HPSE2: variants seen among roughly 807,000 people sequenced by gnomAD.
The protein encoded by HPSE2 is heparanase 2 (inactive).
HPSE2 carries 38 observed loss-of-function variants against 60.5 expected under a neutral mutation model. The ratio of observed to expected loss-of-function variants is 0.63; its 90% CI spans 0.48 to 0.82. The LOEUF is 0.82. Ranked by LOEUF, HPSE2 falls within the 40% of genes least tolerant of loss-of-function variation. HPSE2 has a pLI of 0.00. For synonymous variants in HPSE2, 295 were observed against 293.2 expected (o/e 1.01, Z -0.06); for missense variants, 713 against 740.4 (o/e 0.96, Z 0.43).
At position 98,937,783 on chromosome 10, in the gene HPSE2, C is replaced by T. The variant is rs1352254374; in HGVS notation, c.611-193727G>A. Among the ~76,000 whole-genome samples, 2 of 142,320 alleles carry T rather than the reference C, an allele frequency of 1.4e-5. 1 individual carries two copies. The highest frequency in any genetic ancestry group is 5.8e-5 in the African/African-American group (2 of 34,476). 93.4% of individuals were successfully genotyped at this position (142,320 alleles called of 152,430 possible). ...AGATCTGAGAACGGGCAGACTGCCT[C>T]CTCAAGTGGGTCCCTGACCCCTGAC... On this transcript the variant is annotated intron_variant, in intron 3 of 11. Coordinates refer to ENST00000370552, the MANE Select transcript of HPSE2 (RefSeq NM_021828.5).
the HPSE2 span, among the ~76,000 whole-genome samples, chr10:99,275,676 G>T: frequency 6.6e-6 from 1 of 152,134 alleles, no homozygotes; most frequent in Non-Finnish European, 1.5e-5. Flanking sequence ...GATATGTGAA[G>T]CCCATGCTCT....
chr10:98,954,776 A>T (rs939726520), intron 3 of HPSE2, among the ~76,000 whole-genome samples: 1 of 151,422 alleles, frequency 6.6e-6, no homozygotes, highest in Non-Finnish European at 1.5e-5. Context: ...TACAATATAA[A>T]CTCCGCATTT....
chr10:98,982,751 T>C (rs1291009795), intron 3 of HPSE2, among the ~76,000 whole-genome samples: 1 of 152,166 alleles, frequency 6.6e-6, no homozygotes, highest in East Asian at 1.9e-4. Context: ...ACTGTACTAA[T>C]CTATTTCATT....
intron 3 of HPSE2, among the ~76,000 whole-genome samples, chr10:98,749,047 T>C (rs1051706855): frequency 7.2e-5 from 11 of 152,044 alleles, no homozygotes; most frequent in Non-Finnish European, 1.3e-4. Flanking sequence ...AAAATAGTAA[T>C]GAGAGAAGAA....
intron 3 of HPSE2, among the ~76,000 whole-genome samples, chr10:98,977,785 TATA>T (rs1467639658): frequency 3.3e-5 from 5 of 151,946 alleles, no homozygotes; most frequent in Admixed American, 2.0e-4. Context: ...ACAGGTTTTT[TATA>T]ATAATAATAT....
chr10:99,166,511 G>A (rs80333773), intron 2 of HPSE2, among the ~76,000 whole-genome samples: 7 of 152,150 alleles, frequency 4.6e-5, no homozygotes, highest in Admixed American at 2.6e-4. Flanking sequence ...TACAGTTATA[G>A]GGGTATCTCA....
Position 98,489,900 on chromosome 10 carries a change from AT to A in HPSE2, c.1466+150del, listed in dbSNP as rs1941579882. 12 of 810,786 alleles carry A rather than the reference AT, an allele frequency of 1.5e-5. 1 individual carries two copies. The South Asian group carries it at 1.8e-4, about 12-fold the overall frequency. 50.2% of individuals were successfully genotyped at this position (810,786 alleles called of 1,614,324 possible). ...GAGTAAAAGCTATTTACCAGAAATT[AT>A]TTGAAACCTCCAAAGAGCAGGTATG... On this transcript the variant is annotated intron_variant, in intron 10 of 11. Transcript: ENST00000370552.
At chr10:98,696,655 C>A (rs1036825190) in intron 5 of HPSE2, among the ~76,000 whole-genome samples, 1 of 152,234 alleles carries the variant, frequency 6.6e-6, no homozygotes, top group African/African-American at 2.4e-5. Context: ...TCTGCTTAAG[C>A]CTGCTGACCT....
At chr10:98,922,337 A>C (rs1368931943) in intron 3 of HPSE2, among the ~76,000 whole-genome samples, 1 of 152,152 alleles carries the variant, frequency 6.6e-6, no homozygotes, top group Non-Finnish European at 1.5e-5. Flanking sequence ...GTTCTATAAA[A>C]GACCAAGACA....
At chr10:98,711,354 A>AGCTGACTG in intron 5 of HPSE2, among the ~76,000 whole-genome samples, 2 of 152,334 alleles carry the variant, frequency 1.3e-5, no homozygotes, top group Middle Eastern at 6.8e-3. Context: ...AAGCCCTGCT[A>AGCTGACTG]TAAACCTGAC....
intron 9 of HPSE2, among the ~76,000 whole-genome samples, chr10:98,587,527 C>T (rs2133935306): frequency 6.6e-6 from 1 of 152,246 alleles, no homozygotes; most frequent in African/African-American, 2.4e-5. Context: ...TCCACATGTC[C>T]CTAGCATGCC....
rs368001757 is a variant in HPSE2 at position 99,096,316 on chromosome 10, A to C, written c.610+47922T>G. ...TAGCATTCTCCTAGATTTTGTAAAC[A>C]ATGAAAATAACAGTATTACTTAAAT... On this transcript the variant is annotated intron_variant, in intron 3 of 11. Transcript: ENST00000370552. 9.8e-5 allele frequency among the ~76,000 whole-genome samples: 15 copies of C among 152,374 alleles called. No homozygotes were observed. In the East Asian group the frequency reaches 2.7e-3, roughly 27 times the overall value.
Position 98,457,856 on chromosome 10 carries a change from T to A in HPSE2, c.*1718A>T, listed in dbSNP as rs963611714. 1.3e-5 allele frequency: 2 copies of A among 152,586 alleles called. No homozygotes were observed. The highest frequency in any genetic ancestry group is 1.3e-4 in the Admixed American group (2 of 15,284). The allele number at this position is 152,586 out of a possible 1,614,324, so 9.5% of individuals were successfully genotyped here. ...CCTCTCTCTCCAGTTGCTTCCATGC[T>A]GAGCACAGCCACTGACCTGGTGCAG... On this transcript the variant is annotated 3_prime_UTR_variant, in exon 12 of 12. Transcript: ENST00000370552.
intron 3 of HPSE2, among the ~76,000 whole-genome samples, chr10:99,074,954 T>A (rs1842911047): frequency 6.6e-6 from 1 of 152,028 alleles, no homozygotes; most frequent in Admixed American, 6.6e-5. Flanking sequence ...TCTTGGTTAA[T>A]CTTGCTAAAG....
At chr10:99,312,432 A>T in the HPSE2 span, among the ~76,000 whole-genome samples, 1 of 152,262 alleles carries the variant, frequency 6.6e-6, no homozygotes, top group Non-Finnish European at 1.5e-5. Context: ...AGGGCCCTTA[A>T]GAACGTTAAA....
At chr10:98,850,753 A>G (rs953169281) in intron 3 of HPSE2, among the ~76,000 whole-genome samples, 23 of 151,646 alleles carry the variant, frequency 1.5e-4, no homozygotes, top group African/African-American at 5.3e-4. Context: ...AAAAAAAAAA[A>G]AAAAAGGAAC....
chr10:98,499,073 A>G (rs1055895561), intron 9 of HPSE2, among the ~76,000 whole-genome samples: 1 of 152,228 alleles, frequency 6.6e-6, no homozygotes, highest in Non-Finnish European at 1.5e-5. Flanking sequence ...TTCGGAAAAC[A>G]TATTTGGGGG....
At chr10:98,861,116 T>C (rs1164921427) in intron 3 of HPSE2, among the ~76,000 whole-genome samples, 1 of 152,212 alleles carries the variant, frequency 6.6e-6, no homozygotes, top group African/African-American at 2.4e-5. Flanking sequence ...TTAACATGTT[T>C]GATAGGGAGC....
At chr10:98,584,625 A>T (rs1236351297) in intron 9 of HPSE2, among the ~76,000 whole-genome samples, 1 of 152,204 alleles carries the variant, frequency 6.6e-6, no homozygotes, top group Non-Finnish European at 1.5e-5. Flanking sequence ...AAACCATTAT[A>T]TCATAATCCT....
Sources: allele counts gnomAD v4.1 joint callset (sites outside exome capture counted in the v4.1 genomes callset), GRCh38; gene constraint gnomAD v4.1.1; transcripts MANE v1.5; gene names NCBI Gene and HGNC (gene_info 2026-07-23, HGNC 2026-07-21).